Variants in IQSEC3 observed in about 807,000 individuals in gnomAD.
The protein encoded by IQSEC3 is IQ motif and SEC7 domain-containing protein 3.
A neutral mutation model predicts 105.4 loss-of-function variants in IQSEC3; 50 were observed. The observed-to-expected ratio is 0.47, with a 90% CI of 0.38 to 0.60. The LOEUF (loss-of-function observed/expected upper bound fraction) is 0.60, where lower values mean the gene tolerates loss of function less well. IQSEC3 is among the 20% of genes least tolerant of loss of function. IQSEC3 has a pLI of 0.00. For synonymous variants in IQSEC3, 708 were observed against 746.0 expected, an observed-to-expected ratio of 0.95 and a Z score of 0.83; for missense variants, 1,415 against 1,630.0, an observed-to-expected ratio of 0.87 and a Z score of 2.27.
rs114504962 is a variant in IQSEC3 at position 125,353 on chromosome 12, G to A, written c.624-280G>A. ...GTAAGAGGCAGAGCCCAGATGCACC[G>A]CTCTGCCATACTGCTTCTAAGCAGA... is the stretch of plus-strand genomic sequence containing the variant. On this transcript the variant is annotated intron_variant, in intron 2 of 13. Transcript: ENST00000538872. Among the ~76,000 whole-genome samples the A allele has an allele frequency of 3.0e-3, 450 of 152,244 alleles. 3 individuals are homozygous for A. The highest frequency in any genetic ancestry group is 9.6e-3 in the African/African-American group (400 of 41,544).
At chr12:85,578 G>A (rs543366705) in intron 1 of IQSEC3, among the ~76,000 whole-genome samples, 2 of 152,208 alleles carry the variant, frequency 1.3e-5, no homozygotes, top group Non-Finnish European at 2.9e-5. Flanking sequence ...CATGGAGCTC[G>A]AGGACTGACA....
chr12:105,759 T>TCCAGAGGG (rs1311572748), intron 2 of IQSEC3, among the ~76,000 whole-genome samples: 2 of 152,204 alleles, frequency 1.3e-5, no homozygotes, highest in East Asian at 3.8e-4. Context: ...TGACTTTCTG[T>TCCAGAGGG]CCAGAGGGCT....
chr12:130,957 C>A (rs1368181197), intron 3 of IQSEC3, among the ~76,000 whole-genome samples: 1 of 149,192 alleles, frequency 6.7e-6, no homozygotes, highest in Non-Finnish European at 1.5e-5. Flanking sequence ...TGGGAACAAA[C>A]CCTTGGAAGC....
chr12:165,980 G>A, intron 11 of IQSEC3, 90 bp downstream of exon 11: 2 of 1,467,978 alleles, frequency 1.4e-6, no homozygotes, highest in Non-Finnish European at 1.8e-6. Context: ...TGACTCCAGG[G>A]AGCTGGCCCC....
intron 11 of IQSEC3, among the ~76,000 whole-genome samples, chr12:168,047 C>T (rs1001651263): frequency 2.6e-5 from 4 of 152,244 alleles, no homozygotes; most frequent in East Asian, 1.9e-4. Context: ...TGGGGGCCTA[C>T]GGTTCAGTGT....
At chr12:131,422 T>C (rs1865597366) in intron 3 of IQSEC3, among the ~76,000 whole-genome samples, 1 of 151,990 alleles carries the variant, frequency 6.6e-6, no homozygotes, top group African/African-American at 2.4e-5. Flanking sequence ...GGGATTGGGG[T>C]AGACGGGAGG....
intron 11 of IQSEC3, chr12:167,477 G>C (rs1192910380): frequency 2.0e-5 from 3 of 152,054 alleles, no homozygotes; most frequent in African/African-American, 7.3e-5. Flanking sequence ...AGGAAGAAAG[G>C]CTCATGCTTG....
Position 67,058 on chromosome 12 carries a change from T to A in IQSEC3, c.176T>A (p.Leu59Gln). The A allele has an allele frequency of 2.0e-6, 3 of 1,531,378 alleles. No individual in the cohort carries two copies. The highest frequency in any genetic ancestry group is 2.6e-6 in the Non-Finnish European group (3 of 1,145,320). 94.9% of individuals were successfully genotyped at this position (1,531,378 alleles called of 1,614,324 possible). The change falls in exon 1 of 14, where the codon CTG (leucine) becomes CAG (glutamine). Residue 59 changes from leucine to glutamine, a missense_variant. Coordinates refer to ENST00000538872, the MANE Select transcript of IQSEC3 (RefSeq NM_001170738.2). ...CGCAGCCTGTGGGAGCACCAGCAGC[T>A]GCTGCAAGCCCAGCCTCCGCCCGGG... is the stretch of plus-strand genomic sequence containing the variant. Reference protein sequence around the residue: ...ENRSLWEHQQLLQAQPPPGLV... With the variant: ...ENRSLWEHQQQLQAQPPPGLV...
intron 12 of IQSEC3, among the ~76,000 whole-genome samples, chr12:170,045 C>T (rs1555099804): frequency 1.3e-5 from 2 of 152,170 alleles, no homozygotes; most frequent in South Asian, 2.1e-4. Flanking sequence ...CAGGCAGCAG[C>T]GTGGGGACTA....
intron 1 of IQSEC3, among the ~76,000 whole-genome samples, chr12:71,979 G>A (rs1555067673): frequency 1.3e-5 from 2 of 152,270 alleles, no homozygotes; most frequent in Admixed American, 6.5e-5. Context: ...TTGCCTTCCT[G>A]AAGGCCTAGG....
At chr12:107,617 A>C (rs371313764) in intron 2 of IQSEC3, among the ~76,000 whole-genome samples, 1 of 151,644 alleles carries the variant, frequency 6.6e-6, no homozygotes, top group Non-Finnish European at 1.5e-5. Flanking sequence ...TCACTGTGTT[A>C]GCCAGGATGG....
At chr12:70,252 G>A (rs1352443513) in intron 1 of IQSEC3, among the ~76,000 whole-genome samples, 1 of 152,242 alleles carries the variant, frequency 6.6e-6, no homozygotes, top group Non-Finnish European at 1.5e-5. Context: ...TCCAGGAGAG[G>A]CAGAAGCCCT....
intron 5 of IQSEC3, among the ~76,000 whole-genome samples, chr12:150,926 C>T (rs1208532770): frequency 6.6e-6 from 1 of 152,046 alleles, no homozygotes; most frequent in African/African-American, 2.4e-5. Context: ...CCTCAAACTT[C>T]GTGTGCCCCA....
At chr12:144,310 G>A (rs12317566) in intron 5 of IQSEC3, 127 of 152,250 alleles carry the variant, frequency 8.3e-4, no homozygotes, top group African/African-American at 2.9e-3. Context: ...CACACTAACC[G>A]AGTCGCCAGG....
At chr12:71,412 A>G (rs1412712975) in intron 1 of IQSEC3, among the ~76,000 whole-genome samples, 1 of 152,302 alleles carries the variant, frequency 6.6e-6, no homozygotes, top group Non-Finnish European at 1.5e-5. Flanking sequence ...ACACATATCT[A>G]GAAATGCCTA....
At chr12:114,949 A>G (rs1401917037) in intron 2 of IQSEC3, among the ~76,000 whole-genome samples, 10 of 152,214 alleles carry the variant, frequency 6.6e-5, no homozygotes, top group African/African-American at 2.4e-4. Context: ...GAGATAACAC[A>G]TGGAAGCCAC....
At chr12:159,227 C>G (rs1555095467) in intron 7 of IQSEC3, among the ~76,000 whole-genome samples, 2 of 152,218 alleles carry the variant, frequency 1.3e-5, no homozygotes, top group African/African-American at 4.8e-5. Flanking sequence ...CCACTTCCCA[C>G]CCTACGTATC....
chr12:105,269 A>T (rs1234235648), intron 2 of IQSEC3, among the ~76,000 whole-genome samples: 1 of 152,142 alleles, frequency 6.6e-6, no homozygotes, highest in Non-Finnish European at 1.5e-5. Flanking sequence ...AGAGGTTGGG[A>T]TGGGGTGAAA....
At chr12:167,848 A>G (rs1938754327) in intron 11 of IQSEC3, 1 of 152,286 alleles carries the variant, frequency 6.6e-6, no homozygotes, top group African/African-American at 2.4e-5. Flanking sequence ...GTCCAAGTTC[A>G]CAGTCAGTGA....
Sources: allele counts gnomAD v4.1 joint callset (sites outside exome capture counted in the v4.1 genomes callset), GRCh38; gene constraint gnomAD v4.1.1; transcripts MANE v1.5; gene names NCBI Gene and HGNC (gene_info 2026-07-23, HGNC 2026-07-21).